Variants in SEMA6D observed in about 807,000 individuals in gnomAD.
The protein encoded by SEMA6D is semaphorin 6D.
A neutral mutation model predicts 106.6 loss-of-function variants in SEMA6D; 35 were observed. The ratio of observed to expected loss-of-function variants is 0.33; its 90% CI spans 0.25 to 0.44. The LOEUF (loss-of-function observed/expected upper bound fraction) is 0.44, where lower values mean the gene tolerates loss of function less well. Ranked by LOEUF, SEMA6D falls within the 20% of genes least tolerant of loss-of-function variation. The pLI is 1.00. For synonymous variants in SEMA6D, 499 were observed against 487.7 expected, an observed-to-expected ratio of 1.02 and a Z score of -0.31; for missense variants, 1,185 against 1,345.9, an observed-to-expected ratio of 0.88 and a Z score of 1.87.
chr15:47,631,168 G>A (rs1402534608), intron 4 of SEMA6D, among the ~76,000 whole-genome samples: 1 of 151,828 alleles, frequency 6.6e-6, no homozygotes, highest in Non-Finnish European at 1.5e-5. Flanking sequence ...TATAAAATTA[G>A]TGTTAATTCT....
At chr15:47,694,408 C>T (rs971245927) in intron 4 of SEMA6D, among the ~76,000 whole-genome samples, 3 of 152,058 alleles carry the variant, frequency 2.0e-5, no homozygotes, top group Admixed American at 6.6e-5. Context: ...TCTTTAAGCA[C>T]CCCAATTTGA....
At chr15:47,559,815 A>T (rs2046024191) in intron 3 of SEMA6D, among the ~76,000 whole-genome samples, 1 of 152,124 alleles carries the variant, frequency 6.6e-6, no homozygotes, top group Non-Finnish European at 1.5e-5. Flanking sequence ...AGATAGGACA[A>T]ATGAGAATGG....
intron 1 of SEMA6D, among the ~76,000 whole-genome samples, chr15:47,200,075 T>C (rs755558991): frequency 1.3e-5 from 2 of 152,188 alleles, no homozygotes; most frequent in Non-Finnish European, 1.5e-5. Context: ...TCTTTGTCTA[T>C]ATACTCCATA....
intron 3 of SEMA6D, among the ~76,000 whole-genome samples, chr15:47,551,687 G>GTGTGTGTGTGTGTGTGTGTA (rs2045697425): frequency 1.3e-5 from 2 of 151,790 alleles, no homozygotes; most frequent in African/African-American, 4.8e-5. Context: ...GTGTGTGTGT[G>GTGTGTGTGTGTGTGTGTGTA]TGTGTGTGTG....
At chr15:47,668,533 C>T (rs1315811488) in intron 4 of SEMA6D, among the ~76,000 whole-genome samples, 2 of 152,188 alleles carry the variant, frequency 1.3e-5, no homozygotes, top group East Asian at 3.9e-4. Flanking sequence ...TCCACCCTAG[C>T]TTCCATTCCC....
At chr15:47,244,056 A>G (rs1425487850) in intron 1 of SEMA6D, among the ~76,000 whole-genome samples, 1 of 152,168 alleles carries the variant, frequency 6.6e-6, no homozygotes, top group African/African-American at 2.4e-5. Context: ...GTTGGAGAGT[A>G]TGTGGTTATG....
intron 4 of SEMA6D, among the ~76,000 whole-genome samples, chr15:47,695,944 CACATTTAAA>C (rs1381287514): frequency 1.3e-5 from 2 of 152,118 alleles, no homozygotes; most frequent in Admixed American, 6.5e-5. Context: ...AGTTTTAGTA[CACATTTAAA>C]ACATTTAAAA....
chr15:47,611,530 T>G (rs954917600), intron 4 of SEMA6D, among the ~76,000 whole-genome samples: 3 of 152,204 alleles, frequency 2.0e-5, no homozygotes, highest in Admixed American at 1.3e-4. Context: ...ACACAAAATA[T>G]ACTTATCATT....
chr15:47,657,831 C>A (rs1415614143), intron 4 of SEMA6D, among the ~76,000 whole-genome samples: 1 of 136,826 alleles, frequency 7.3e-6, no homozygotes, highest in Non-Finnish European at 1.5e-5. Flanking sequence ...AGCTCCGTGT[C>A]CCAGGTTCAT....
intron 2 of SEMA6D, among the ~76,000 whole-genome samples, chr15:47,439,277 T>C (rs543305263): frequency 6.6e-6 from 1 of 152,270 alleles, no homozygotes; most frequent in African/African-American, 2.4e-5. Context: ...TGTACATATT[T>C]AACAAAGTTT....
chr15:47,246,181 G>A (rs2033187201), intron 1 of SEMA6D, among the ~76,000 whole-genome samples: 1 of 152,186 alleles, frequency 6.6e-6, no homozygotes, highest in Non-Finnish European at 1.5e-5. Flanking sequence ...ACTAGCAGAG[G>A]TGTTGGCTGC....
chr15:47,221,750 C>A (rs183479925), intron 1 of SEMA6D, among the ~76,000 whole-genome samples: 5 of 152,052 alleles, frequency 3.3e-5, no homozygotes, highest in Non-Finnish European at 7.4e-5. Flanking sequence ...ACTGTTTAAT[C>A]GTTATCACTA....
chr15:47,567,991 TC>T (rs2142840195), intron 3 of SEMA6D, among the ~76,000 whole-genome samples: 1 of 152,264 alleles, frequency 6.6e-6, no homozygotes, highest in African/African-American at 2.4e-5. Flanking sequence ...AATAGAGAGT[TC>T]CTATTTACCA....
At chr15:47,193,555 A>G (rs145881052) in intron 1 of SEMA6D, among the ~76,000 whole-genome samples, 2 of 152,330 alleles carry the variant, frequency 1.3e-5, no homozygotes, top group Admixed American at 6.5e-5. Context: ...GCTTAAAACC[A>G]TCCAAAGGCT....
chr15:47,348,708 CACACACACACCACA>C (rs1389946382), intron 1 of SEMA6D, among the ~76,000 whole-genome samples: 10 of 92,382 alleles, frequency 1.1e-4, no homozygotes, highest in Admixed American at 3.4e-4. Context: ...CACACACACA[CACACACACACCACA>C]CACACAGAGA....
intron 1 of SEMA6D, among the ~76,000 whole-genome samples, chr15:47,231,013 A>T (rs10152369): frequency 0.01 from 1,545 of 151,822 alleles, 25 homozygotes; most frequent in African/African-American, 0.036. Flanking sequence ...CTTTGTCCTC[A>T]CAATCTAAGG....
chr15:47,592,737 C>A (rs1014800384), intron 3 of SEMA6D, among the ~76,000 whole-genome samples: 3 of 152,124 alleles, frequency 2.0e-5, no homozygotes, highest in African/African-American at 4.8e-5. Context: ...TTTTTATTTG[C>A]ATTGTATAGT....
intron 1 of SEMA6D, among the ~76,000 whole-genome samples, chr15:47,735,879 TTAAC>T (rs373095976): frequency 4.7e-4 from 72 of 152,320 alleles, no homozygotes; most frequent in African/African-American, 1.7e-3. Context: ...ATTTCATCAC[TTAAC>T]TATTAAACAA....
chr15:47,743,029 G>A (rs1278028905), intron 1 of SEMA6D, among the ~76,000 whole-genome samples: 3 of 151,990 alleles, frequency 2.0e-5, no homozygotes, highest in African/African-American at 7.3e-5. Context: ...TTTTCTCTAT[G>A]CCTCCCCAGG....
Sources: gnomAD v4.1 joint callset for allele counts (sites outside exome capture counted in the v4.1 genomes callset) on GRCh38, gnomAD v4.1.1 for gene constraint, MANE v1.5 for transcripts, NCBI Gene and HGNC (gene_info 2026-07-23, HGNC 2026-07-21) for gene names.